Variants in CHCHD3 observed in about 807,000 individuals in gnomAD.
CHCHD3 encodes coiled-coil-helix-coiled-coil-helix domain containing 3, also known as MICOS complex subunit MIC19.
In CHCHD3, 20 loss-of-function variants were observed where a neutral mutation model predicts 38.2. The observed-to-expected ratio is 0.52, with a 90% CI of 0.37 to 0.76. CHCHD3 has a LOEUF of 0.76. Ranked by LOEUF, CHCHD3 falls within the 30% of genes least tolerant of loss-of-function variation. CHCHD3 has a pLI of 0.00. For synonymous variants in CHCHD3, 82 were observed against 100.0 expected, an observed-to-expected ratio of 0.82 and a Z score of 1.07; for missense variants, 245 against 279.2, an observed-to-expected ratio of 0.88 and a Z score of 0.87.
intron 3 of CHCHD3, among the ~76,000 whole-genome samples, chr7:132,981,757 C>T (rs548574464): frequency 1.3e-5 from 2 of 152,240 alleles, no homozygotes; most frequent in South Asian, 4.1e-4. Context: ...GGCCATTACA[C>T]TATGGAGAGA....
intron 4 of CHCHD3, among the ~76,000 whole-genome samples, chr7:132,959,803 G>C (rs1247911855): frequency 6.6e-6 from 1 of 151,662 alleles, no homozygotes; most frequent in Non-Finnish European, 1.5e-5. Context: ...TCAATTTCTA[G>C]TTATTTTACA....
chr7:133,008,087 G>A (rs1812750488), intron 3 of CHCHD3, among the ~76,000 whole-genome samples: 1 of 152,174 alleles, frequency 6.6e-6, no homozygotes, highest in African/African-American at 2.4e-5. Flanking sequence ...AAAAAAACCT[G>A]AGGAGATAAG....
rs1813641824 is a variant in CHCHD3, at chr7:133,035,371, A to C, written c.170-10744T>G. 6.2e-7 allele frequency: 1 copy of C among 1,613,174 alleles called. No individual in the cohort carries two copies. The highest frequency in any genetic ancestry group is 8.5e-7 in the Non-Finnish European group (1 of 1,179,274). ...AGGAACCAGCGGTTGGTATTGCGAA[A>C]GGCCCGGCGGAAAGAAGGCTCTAGA... On this transcript the variant is annotated intron_variant, in intron 2 of 7. Coordinates refer to ENST00000262570, the MANE Select transcript of CHCHD3 (RefSeq NM_017812.4). This position sits in a 1 kb window ranked among gnomAD's most constrained non-coding sequence, Gnocchi z 4.7.
At chr7:132,914,484 G>A (rs2117225739) in intron 4 of CHCHD3, among the ~76,000 whole-genome samples, 1 of 152,238 alleles carries the variant, frequency 6.6e-6, no homozygotes, top group South Asian at 2.1e-4. Flanking sequence ...GTACTATTAT[G>A]TACATGATTA....
chr7:132,913,130 A>G (rs938353880), intron 4 of CHCHD3, among the ~76,000 whole-genome samples: 1 of 152,200 alleles, frequency 6.6e-6, no homozygotes, highest in Admixed American at 6.5e-5. Context: ...CCAGAGAAAA[A>G]GAATGTTGAG....
chr7:132,815,415 G>A (rs1174886689), intron 6 of CHCHD3: 2 of 338,964 alleles, frequency 5.9e-6, no homozygotes. Context: ...AATTACAAAG[G>A]AAATGGCAGG....
chr7:132,807,865 C>T (rs187972294), intron 6 of CHCHD3, among the ~76,000 whole-genome samples: 175 of 151,606 alleles, frequency 1.2e-3, no homozygotes, highest in African/African-American at 3.8e-3. Context: ...CAAAAATATA[C>T]GGCATTTTAT....
chr7:132,961,223 A>G (rs928337151), intron 4 of CHCHD3, among the ~76,000 whole-genome samples: 1 of 152,178 alleles, frequency 6.6e-6, no homozygotes, highest in Non-Finnish European at 1.5e-5. Flanking sequence ...TCGAGGCTAC[A>G]GTGAGCTATG....
intron 3 of CHCHD3, among the ~76,000 whole-genome samples, chr7:133,012,281 A>T (rs1287088173): frequency 6.6e-6 from 1 of 152,200 alleles, no homozygotes; most frequent in Non-Finnish European, 1.5e-5. Context: ...ATTACAGCTA[A>T]ATCTACAGTA....
intron 7 of CHCHD3, among the ~76,000 whole-genome samples, chr7:132,793,323 A>T (rs1410050684): frequency 6.6e-6 from 1 of 152,250 alleles, no homozygotes; most frequent in Non-Finnish European, 1.5e-5. Context: ...GATATGAGAA[A>T]CAAAAGACAC....
At chr7:132,935,901 G>A (rs889354728) in intron 4 of CHCHD3, among the ~76,000 whole-genome samples, 6 of 152,130 alleles carry the variant, frequency 3.9e-5, no homozygotes, top group Admixed American at 1.3e-4. Context: ...ATTATCCTTT[G>A]GCAGAAGGCA....
At chr7:132,912,479 C>G (rs1809976219) in intron 4 of CHCHD3, among the ~76,000 whole-genome samples, 1 of 152,176 alleles carries the variant, frequency 6.6e-6, no homozygotes, top group African/African-American at 2.4e-5. Context: ...AATGTTGGCT[C>G]TCCCACCTAC....
At chr7:132,979,514 G>C (rs1811862501) in intron 3 of CHCHD3, among the ~76,000 whole-genome samples, 1 of 152,168 alleles carries the variant, frequency 6.6e-6, no homozygotes, top group South Asian at 2.1e-4. Context: ...CACTGCATGG[G>C]TGGGACTGAT....
intron 4 of CHCHD3, chr7:132,972,690 C>A: frequency 4.1e-6 from 4 of 985,446 alleles, no homozygotes; most frequent in Non-Finnish European, 3.6e-6. Context: ...AAGGAAGGGA[C>A]TCTCTCAATC....
At chr7:132,828,628 C>T (rs1305754358) in intron 6 of CHCHD3, among the ~76,000 whole-genome samples, 4 of 152,114 alleles carry the variant, frequency 2.6e-5, no homozygotes, top group African/African-American at 9.7e-5. Context: ...AGTTTAAATA[C>T]AATGTATCCT....
chr7:133,074,093 A>G (rs941915119), intron 1 of CHCHD3, among the ~76,000 whole-genome samples: 6 of 152,204 alleles, frequency 3.9e-5, no homozygotes, highest in Admixed American at 1.3e-4. Flanking sequence ...CTTCCAATAC[A>G]GTCTCAATGA....
intron 3 of CHCHD3, among the ~76,000 whole-genome samples, chr7:133,024,216 T>A (rs1273411072): frequency 4.6e-5 from 7 of 152,214 alleles, no homozygotes; most frequent in Non-Finnish European, 8.8e-5. Context: ...GCAATATAAT[T>A]TTCAATGATG....
In CHCHD3 at chr7:133,069,287, T is replaced by C. The variant is rs559401803; in HGVS notation, c.169+855A>G. On this transcript the variant is annotated intron_variant, in intron 2 of 7. Coordinates refer to ENST00000262570, the MANE Select transcript of CHCHD3 (RefSeq NM_017812.4). Reference sequence around the variant, plus strand: ...TATCAGAAGCTCAATTCATGTTTACTGACTTAATGATTAGTAAGGGGCGGG... The same window carrying C: ...TATCAGAAGCTCAATTCATGTTTACCGACTTAATGATTAGTAAGGGGCGGG... 3.3e-5 allele frequency among the ~76,000 whole-genome samples: 4 copies of C among 123,028 alleles called. No individual in the cohort carries two copies. In the East Asian group the frequency reaches 1.1e-3, roughly 34 times the overall value. 80.7% of individuals were successfully genotyped at this position (123,028 alleles called of 152,430 possible).
intron 4 of CHCHD3, among the ~76,000 whole-genome samples, chr7:132,944,793 G>A (rs1810857140): frequency 6.6e-6 from 1 of 151,914 alleles, no homozygotes; most frequent in South Asian, 2.1e-4. Flanking sequence ...AAATCTACTG[G>A]TGCAAATTTT....
Sources: allele counts gnomAD v4.1 joint callset (sites outside exome capture counted in the v4.1 genomes callset), GRCh38; gene constraint gnomAD v4.1.1; non-coding constraint Gnocchi (gnomAD v3.1); transcripts MANE v1.5; gene names NCBI Gene and HGNC (gene_info 2026-07-23, HGNC 2026-07-21).